NTM: variants seen among roughly 807,000 people sequenced by gnomAD.
NTM encodes IgLON family member 2.
Under a neutral mutation model 42.1 loss-of-function variants are expected in NTM, and 13 were observed. That is an observed-to-expected ratio of 0.31 (90% CI 0.20 to 0.49). NTM has a LOEUF of 0.49. Ranked by LOEUF, NTM falls within the 20% of genes least tolerant of loss-of-function variation. NTM has a pLI of 0.99. For synonymous variants in NTM, 187 were observed against 179.2 expected (o/e 1.04, Z -0.35); for missense variants, 373 against 452.8 (o/e 0.82, Z 1.60).
At chr11:131,801,746 G>A (rs988074799) in intron 1 of NTM, among the ~76,000 whole-genome samples, 5 of 152,048 alleles carry the variant, frequency 3.3e-5, no homozygotes, top group African/African-American at 7.2e-5. Flanking sequence ...TTCAATTAAT[G>A]GTGGCACGGG....
chr11:131,658,531 T>C (rs1470667788), intron 1 of NTM, among the ~76,000 whole-genome samples: 5 of 151,884 alleles, frequency 3.3e-5, no homozygotes, highest in Admixed American at 3.3e-4. Context: ...TATTCAAGAG[T>C]AATAGAGGAT....
chr11:131,460,008 A>C (rs1393848430), intron 1 of NTM, among the ~76,000 whole-genome samples: 1 of 152,244 alleles, frequency 6.6e-6, no homozygotes, highest in East Asian at 1.9e-4. Context: ...AACTTAAAAA[A>C]AATGCTTAGG....
intron 1 of NTM, among the ~76,000 whole-genome samples, chr11:131,474,740 ACT>A (rs1352687165): frequency 6.6e-6 from 1 of 151,576 alleles, no homozygotes; most frequent in Non-Finnish European, 1.5e-5. Flanking sequence ...TCCTGATATC[ACT>A]CTCTTAGTTA....
chr11:131,566,832 C>A (rs1467450401), intron 1 of NTM, among the ~76,000 whole-genome samples: 1 of 152,122 alleles, frequency 6.6e-6, no homozygotes, highest in Non-Finnish European at 1.5e-5. Flanking sequence ...ACTTTTATAG[C>A]CTGCAGCCTC....
At chr11:131,952,779 T>C (rs2061155904) in intron 2 of NTM, among the ~76,000 whole-genome samples, 1 of 152,242 alleles carries the variant, frequency 6.6e-6, no homozygotes, top group African/African-American at 2.4e-5. Context: ...ACAATGGTTA[T>C]GCTTTATAAA....
intron 1 of NTM, among the ~76,000 whole-genome samples, chr11:131,882,667 G>A (rs2049728140): frequency 1.3e-5 from 2 of 151,796 alleles, no homozygotes; most frequent in Admixed American, 1.3e-4. Context: ...GATGGGAGAA[G>A]TTGAGGGAAA....
intron 4 of NTM, among the ~76,000 whole-genome samples, chr11:132,264,397 C>T (rs533443253): frequency 4.6e-5 from 7 of 152,260 alleles, no homozygotes; most frequent in Admixed American, 1.3e-4. Context: ...ACATTATGGA[C>T]GTTAACCCTT....
intron 1 of NTM, among the ~76,000 whole-genome samples, chr11:131,598,855 TC>T (rs201786231): frequency 0.048 from 3,319 of 69,664 alleles, 678 homozygotes; most frequent in Non-Finnish European, 0.075. Flanking sequence ...CTTTCTTCCT[TC>T]CTTCCTTCCT....
chr11:131,394,883 T>A (rs550295854), intron 1 of NTM, among the ~76,000 whole-genome samples: 14 of 152,302 alleles, frequency 9.2e-5, no homozygotes, highest in African/African-American at 3.4e-4. Context: ...TGTTCTAGGT[T>A]CTGGGAATGA....
intron 2 of NTM, among the ~76,000 whole-genome samples, chr11:131,950,485 C>T (rs578085762): frequency 2.6e-5 from 4 of 152,318 alleles, no homozygotes; most frequent in Admixed American, 1.3e-4. Flanking sequence ...TCACTCAGTA[C>T]TCTCTGTCTC....
At chr11:132,010,615 G>A (rs1593688016) in intron 2 of NTM, among the ~76,000 whole-genome samples, 1 of 53,020 alleles carries the variant, frequency 1.9e-5, no homozygotes, top group Non-Finnish European at 3.2e-5. Flanking sequence ...CATTTCTACT[G>A]TCTTTTTTTT....
In NTM at chr11:131,370,882, T is replaced by C. The variant is rs1289228879; in HGVS notation, c.76T>C (p.Phe26Leu). The C allele has an allele frequency of 2.5e-6, 4 of 1,614,138 alleles. No homozygotes were observed. In the East Asian group the frequency reaches 6.7e-5, roughly 27 times the overall value. Residue 26 changes from phenylalanine (F) to leucine (L), a missense_variant, in exon 1 of 9, where the codon TTC becomes CTC. Around this residue, in one of 3 missense-constraint regions of NTM, gnomAD observed 29 missense variants for 30.4 expected, o/e 0.95. Coordinates refer to ENST00000683400, the MANE Select transcript of NTM (RefSeq NM_001352005.2). ...CACGGGGCTGGCTGCTCTGTGTCTC[T>C]TCCAAGGTAAGAGCTTGCTATTGAT... ...IFTGLAALCL[F>L]QGVPVRSGDA...
chr11:131,518,183 T>A (rs575646345), intron 1 of NTM, among the ~76,000 whole-genome samples: 1 of 152,196 alleles, frequency 6.6e-6, no homozygotes, highest in Non-Finnish European at 1.5e-5. Flanking sequence ...CCTGTCCTAG[T>A]GGAGCTTATA....
intron 2 of NTM, among the ~76,000 whole-genome samples, chr11:132,064,415 TAC>T (rs1399834126): frequency 2.6e-5 from 4 of 152,184 alleles, no homozygotes; most frequent in Non-Finnish European, 5.9e-5. Flanking sequence ...TTAAGTTAGG[TAC>T]ATGTTACATG....
chr11:132,183,161 A>T (rs968940494), intron 3 of NTM, among the ~76,000 whole-genome samples: 1 of 152,156 alleles, frequency 6.6e-6, no homozygotes, highest in African/African-American at 2.4e-5. Context: ...GTTACATAAG[A>T]CCAGCACATA....
intron 1 of NTM, among the ~76,000 whole-genome samples, chr11:131,500,573 ATATATTT>A (rs1268482994): frequency 1.8e-4 from 7 of 39,760 alleles, no homozygotes; most frequent in Middle Eastern, 0.019. Context: ...ATATATATAT[ATATATTT>A]TTTTTTTTTT....
chr11:132,073,673 A>C (rs2057997013), intron 2 of NTM, among the ~76,000 whole-genome samples: 1 of 152,214 alleles, frequency 6.6e-6, no homozygotes, highest in Non-Finnish European at 1.5e-5. Flanking sequence ...TTTTGAAATA[A>C]AGCACCCTAA....
intron 4 of NTM, among the ~76,000 whole-genome samples, chr11:132,245,359 T>C (rs2090956003): frequency 6.6e-6 from 1 of 151,804 alleles, no homozygotes; most frequent in Non-Finnish European, 1.5e-5. Flanking sequence ...GAAGTTCAAG[T>C]GCAGAGTAGA....
rs564395106 is a variant in NTM at position 131,681,247 on chromosome 11, G to A, written c.83-230317G>A. 4.5e-4 allele frequency among the ~76,000 whole-genome samples: 23 copies of A among 51,572 alleles called. 4 individuals are homozygous for A. Among genetic ancestry groups the A allele is most frequent in the Admixed American group, 2.1e-3 (8 of 3,808 alleles). The allele number at this position is 51,572 out of a possible 152,430, so 33.8% of individuals were successfully genotyped here. ...TGTATGTCTCCCTGTGTATGTGAGC[G>A]TGTGTTTCTGTGTCTGTGTGTATGT... On this transcript the variant is annotated intron_variant, in intron 1 of 8. Coordinates refer to ENST00000683400, the MANE Select transcript of NTM (RefSeq NM_001352005.2).
Sources: gnomAD v4.1 joint callset for allele counts (sites outside exome capture counted in the v4.1 genomes callset) on GRCh38, gnomAD v4.1.1 for gene constraint, gnomAD v4.1.1 regional missense constraint, MANE v1.5 for transcripts, NCBI Gene and HGNC (gene_info 2026-07-23, HGNC 2026-07-21) for gene names.